CD109: variants seen among roughly 807,000 people sequenced by gnomAD.
The protein encoded by CD109 is CD109 molecule.
A neutral mutation model predicts 165.8 loss-of-function variants in CD109; 149 were observed. The observed-to-expected ratio is 0.90, with a 90% confidence interval of 0.79 to 1.03. The LOEUF is 1.03. Among genes scored for constraint, CD109 ranks in the 50% least tolerant of loss-of-function variants. CD109 has a pLI of 0.00. For missense variants in CD109, 1,712 were observed against 1,677.8 expected (o/e 1.02, Z -0.36); for synonymous variants, 585 against 592.1 (o/e 0.99, Z 0.18).
intron 31 of CD109, 116 bp downstream of exon 31, chr6:73,818,651 C>A: frequency 2.2e-6 from 2 of 929,022 alleles, no homozygotes; most frequent in Non-Finnish European, 3.2e-6. Context: ...TTTTTGTGTC[C>A]CTGAATGAGT....
chr6:73,730,883 C>A (rs1772343616), intron 4 of CD109, among the ~76,000 whole-genome samples: 1 of 152,094 alleles, frequency 6.6e-6, no homozygotes, highest in Non-Finnish European at 1.5e-5. Context: ...GATTAAGTCC[C>A]TGCTGACACT....
At chr6:73,687,161 T>C in the CD109 span, among the ~76,000 whole-genome samples, 1 of 152,238 alleles carries the variant, frequency 6.6e-6, no homozygotes, top group Admixed American at 6.5e-5. Context: ...TTTACATTTA[T>C]TAGTTGGAAA....
chr6:73,787,330 A>C lies in CD109; in HGVS notation c.2434A>C (p.Ser812Arg), dbSNP rs2150259061. The change falls in exon 21 of 33, where the codon AGT (serine) becomes CGT (arginine). Residue 812 changes from serine (S) to arginine (R), a missense_variant. Physicochemically the swap from Ser to Arg is moderately radical, Grantham distance 110. Transcript: ENST00000287097. The stretch of plus-strand genomic sequence containing the variant: ...CCACCAGCAGACCCTTCTGGTTCCC[A>C]GTGAGGATGGGGCAACTGTTCTTTT... ...TGHQQTLLVP[S>R]EDGATVLFPI... 1 of 1,614,002 alleles carries C rather than the reference A, an allele frequency of 6.2e-7. No individual in the cohort carries two copies. The highest frequency in any genetic ancestry group is 8.5e-7 in the Non-Finnish European group (1 of 1,179,868).
At chr6:73,822,759 A>C (rs1232754065) in intron 32 of CD109, among the ~76,000 whole-genome samples, 3 of 152,252 alleles carry the variant, frequency 2.0e-5, no homozygotes, top group Non-Finnish European at 4.4e-5. Context: ...GATCAGAATA[A>C]GCTAAACCTT....
chr6:73,792,768 T>C lies in CD109; in HGVS notation c.2844T>C (p.Asn948=). The change falls in exon 23 of 33, where the codon AAT becomes AAC. Residue 948 remains asparagine, a synonymous_variant. Transcript: ENST00000287097. The stretch of plus-strand genomic sequence containing the variant: ...CTAAAAAGAAACAACTGACAGATAA[T>C]TTGAAAGAAAAAGCTCTTTCATTTA... ...YLTKKKQLTD[N]LKEKALSFMR... 6.2e-7 allele frequency: 1 copy of C among 1,610,938 alleles called. No individual in the cohort carries two copies. The highest frequency in any genetic ancestry group is 8.5e-7 in the Non-Finnish European group (1 of 1,179,576).
chr6:73,746,442 C>G (rs1772986941), intron 5 of CD109, among the ~76,000 whole-genome samples: 11 of 152,166 alleles, frequency 7.2e-5, no homozygotes, highest in Admixed American at 7.2e-4. Context: ...CTTTTGCTCC[C>G]TTGCTTGAGA....
intron 31 of CD109, among the ~76,000 whole-genome samples, chr6:73,819,033 T>C (rs1015169187): frequency 6.6e-6 from 1 of 152,158 alleles, no homozygotes; most frequent in Non-Finnish European, 1.5e-5. Context: ...TAGGGTCTCA[T>C]TTTGTTGCCC....
At chr6:73,706,394 A>G (rs1409171842) in intron 2 of CD109, among the ~76,000 whole-genome samples, 9 of 152,110 alleles carry the variant, frequency 5.9e-5, no homozygotes, top group Admixed American at 3.9e-4. Context: ...GAGGAGAGAG[A>G]AGAGGAAAGG....
At chr6:73,707,722 A>G (rs866363149) in intron 2 of CD109, among the ~76,000 whole-genome samples, 26 of 152,150 alleles carry the variant, frequency 1.7e-4, no homozygotes, top group South Asian at 2.1e-4. Context: ...TATAAAATAC[A>G]TAATGGATTT....
intron 5 of CD109, among the ~76,000 whole-genome samples, chr6:73,751,199 T>C (rs1270789584): frequency 1.3e-5 from 2 of 152,226 alleles, no homozygotes; most frequent in Non-Finnish European, 2.9e-5. Flanking sequence ...TTTAATATGG[T>C]TCAATGTAAT....
chr6:73,781,661 CATATTTTTGAA>C (rs66827037), intron 17 of CD109, among the ~76,000 whole-genome samples: 58,498 of 151,302 alleles, frequency 0.39, 11,573 homozygotes, highest in African/African-American at 0.47. Flanking sequence ...AAAGGAGCAA[CATATTTTTGAA>C]ATATTTTTGT....
upstream of CD109, among the ~76,000 whole-genome samples, chr6:73,692,979 C>A (rs1049331465): frequency 6.6e-5 from 10 of 152,240 alleles, no homozygotes; most frequent in African/African-American, 2.2e-4. Flanking sequence ...GACTAATATA[C>A]CCTCCTTAAT....
chr6:73,703,533 G>C (rs182709763), intron 2 of CD109, among the ~76,000 whole-genome samples: 5 of 152,302 alleles, frequency 3.3e-5, no homozygotes. Context: ...ACAGATTGCA[G>C]TTTCCCAAAT....
chr6:73,771,589 T>A lies in CD109; in HGVS notation c.1827+8T>A. The A allele has an allele frequency of 1.3e-6, 2 of 1,529,442 alleles. No homozygotes were observed. Among genetic ancestry groups the A allele is most frequent in the Non-Finnish European group, 1.8e-6 (2 of 1,139,318 alleles). The allele number at this position is 1,529,442 out of a possible 1,614,324, so 94.7% of individuals were successfully genotyped here. ...GATATTACAATGGAAAATGTGAGTT[T>A]AGCTATTTTTTCATTATGAAAATAT... is the stretch of plus-strand genomic sequence containing the variant. On this transcript the variant is annotated splice_region_variant and intron_variant, in intron 15 of 32. Coordinates refer to ENST00000287097, the MANE Select transcript of CD109 (RefSeq NM_133493.5).
At position 73,787,249 on chromosome 6, in the gene CD109, G is replaced by T. The variant is rs1774730669; in HGVS notation, c.2353G>T (p.Glu785Ter). 6.2e-7 allele frequency: 1 copy of T among 1,610,618 alleles called. No individual in the cohort carries two copies. The highest frequency in any genetic ancestry group is 1.3e-5 in the African/African-American group (1 of 74,906). Residue 785 changes from glutamate to a stop codon, truncating the protein, a stop_gained, in exon 21 of 33, where the codon GAG (glutamate) becomes TAG (stop). Transcript: ENST00000287097. LOFTEE classifies it high-confidence loss of function. ...KDATEVKVIIEKSDKFDILMT... is the reference protein window; with the variant it reads ...KDATEVKVII ...TTTCTTTCAGGTTAAGGTAATCATTGAGAAAAGTGACAAATTTGATATTCT... is the reference window on the plus strand; with the variant it reads ...TTTCTTTCAGGTTAAGGTAATCATTTAGAAAAGTGACAAATTTGATATTCT...
chr6:73,772,794 T>C (rs550903662), intron 15 of CD109, among the ~76,000 whole-genome samples: 6 of 152,026 alleles, frequency 3.9e-5, no homozygotes, highest in Non-Finnish European at 8.8e-5. Flanking sequence ...GAAAACTATA[T>C]ATAGTTGGGT....
At chr6:73,698,170 C>A (rs952522865) in intron 2 of CD109, among the ~76,000 whole-genome samples, 1 of 152,034 alleles carries the variant, frequency 6.6e-6, no homozygotes, top group African/African-American at 2.4e-5. Context: ...GTAGCAGAAC[C>A]AAGTTTGGTT....
At chr6:73,812,320 AT>A (rs754079485) in intron 29 of CD109, 50 bp downstream of exon 29, 8 of 1,225,610 alleles carry the variant, frequency 6.5e-6, no homozygotes, top group Non-Finnish European at 9.4e-6. Flanking sequence ...TTTTATAATA[AT>A]TATTTGGTTT....
chr6:73,766,480 T>A (rs1773850037), intron 11 of CD109, among the ~76,000 whole-genome samples: 1 of 148,806 alleles, frequency 6.7e-6, no homozygotes, highest in South Asian at 2.1e-4. Flanking sequence ...GAAAGATAAA[T>A]ATATATACAT....
Sources: gnomAD v4.1 joint callset for allele counts (sites outside exome capture counted in the v4.1 genomes callset) on GRCh38, gnomAD v4.1.1 for gene constraint, MANE v1.5 for transcripts, NCBI Gene and HGNC (gene_info 2026-07-23, HGNC 2026-07-21) for gene names.